LRP1B: variants seen among roughly 807,000 people sequenced by gnomAD.
The protein encoded by LRP1B is low-density lipoprotein receptor-related protein 1B.
A neutral mutation model predicts 556.6 loss-of-function variants in LRP1B; 217 were observed. That is an observed-to-expected ratio of 0.39 (90% confidence interval 0.35 to 0.44). The LOEUF (loss-of-function observed/expected upper bound fraction) is 0.44, where lower values mean the gene tolerates loss of function less well. LRP1B is among the 20% of genes least tolerant of loss of function. The pLI is 1.00. For synonymous variants in LRP1B, 2,047 were observed against 1,865.8 expected (o/e 1.10, Z -2.50); for missense variants, 5,053 against 5,620.8 (o/e 0.90, Z 3.23).
chr2:141,500,402 T>G (rs4583399), intron 2 of LRP1B, among the ~76,000 whole-genome samples: 63,732 of 151,968 alleles, frequency 0.42, 14,250 homozygotes, highest in East Asian at 0.63. Flanking sequence ...CCTGTTGATC[T>G]GTGTTTTGTC....
intron 3 of LRP1B, among the ~76,000 whole-genome samples, chr2:141,429,359 T>C (rs1022546187): frequency 2.0e-5 from 3 of 152,246 alleles, no homozygotes; most frequent in Admixed American, 6.5e-5. Flanking sequence ...TTTTAATGTG[T>C]AACTAAATAT....
intron 41 of LRP1B, among the ~76,000 whole-genome samples, chr2:140,640,457 G>C (rs1212080253): frequency 9.4e-6 from 1 of 106,470 alleles, no homozygotes; most frequent in Non-Finnish European, 1.9e-5. Context: ...GTGCAGTGGC[G>C]CGATCTCGGC....
chr2:141,913,692 C>T (rs1699962565), intron 1 of LRP1B, among the ~76,000 whole-genome samples: 1 of 152,068 alleles, frequency 6.6e-6, no homozygotes, highest in Non-Finnish European at 1.5e-5. Flanking sequence ...TGAGAATGAA[C>T]TACTAATGAT....
intron 83 of LRP1B, among the ~76,000 whole-genome samples, chr2:140,308,156 G>A (rs1279998047): frequency 6.6e-6 from 1 of 151,746 alleles, no homozygotes; most frequent in Non-Finnish European, 1.5e-5. Flanking sequence ...ATTTGATGTT[G>A]ATATTTTTCA....
chr2:141,764,282 G>A (rs1313739229), intron 2 of LRP1B, among the ~76,000 whole-genome samples: 2 of 151,988 alleles, frequency 1.3e-5, no homozygotes, highest in East Asian at 1.9e-4. Flanking sequence ...CCGGGTTCAC[G>A]CCATTCTCCT....
chr2:141,384,351 T>C (rs1002881513), intron 3 of LRP1B, among the ~76,000 whole-genome samples: 27 of 152,258 alleles, frequency 1.8e-4, no homozygotes, highest in African/African-American at 5.8e-4. Context: ...ATTTAAAATC[T>C]AGTATTATTG....
At chr2:140,853,354 C>T (rs1210615224) in intron 27 of LRP1B, among the ~76,000 whole-genome samples, 2 of 152,098 alleles carry the variant, frequency 1.3e-5, no homozygotes, top group South Asian at 2.1e-4. Context: ...GAGATTTTAA[C>T]CATTTCTTCA....
rs934823993 is a variant in LRP1B, at chr2:140,794,761, G to A, written c.5360-18523C>T. 3.9e-5 allele frequency among the ~76,000 whole-genome samples: 6 copies of A among 151,968 alleles called. No homozygotes were observed. In the South Asian group the frequency reaches 1.0e-3, roughly 26 times the overall value. ...CCCAAGTAGCTGGTATTACAGGCAT[G>A]AGCCACTACGCCCAGCTAATTTTGT... On this transcript the variant is annotated intron_variant, in intron 32 of 90. Transcript: ENST00000389484.
chr2:140,451,356 C>G (rs1329299365), intron 62 of LRP1B, among the ~76,000 whole-genome samples: 2 of 152,132 alleles, frequency 1.3e-5, no homozygotes, highest in Non-Finnish European at 2.9e-5. Context: ...AAAAATTTGG[C>G]AAACACTAAA....
At chr2:141,177,655 G>A (rs1518803) in intron 7 of LRP1B, among the ~76,000 whole-genome samples, 6,544 of 152,166 alleles carry the variant, frequency 0.043, 470 homozygotes, top group African/African-American at 0.15. Context: ...GGGAAGAATT[G>A]GCTGGTTAAA....
chr2:141,243,726 T>C (rs549449096), intron 5 of LRP1B, among the ~76,000 whole-genome samples: 1 of 152,298 alleles, frequency 6.6e-6, no homozygotes, highest in East Asian at 1.9e-4. Flanking sequence ...AGATTACCAT[T>C]GAAGTTCCTC....
intron 1 of LRP1B, among the ~76,000 whole-genome samples, chr2:142,045,885 T>C (rs559837081): frequency 6.6e-6 from 1 of 152,036 alleles, no homozygotes; most frequent in Non-Finnish European, 1.5e-5. Flanking sequence ...AAATTAAAAG[T>C]ATGGAACACA....
At chr2:140,356,157 G>GTTAGC (rs1424624802) in intron 75 of LRP1B, among the ~76,000 whole-genome samples, 185 bp downstream of exon 75, 1 of 129,224 alleles carries the variant, frequency 7.7e-6, no homozygotes. Context: ...CTCTGTCGTG[G>GTTAGC]TTAGCTTAGC....
At position 140,353,071 on chromosome 2, in the gene LRP1B, G is replaced by T. The variant is rs539496122; in HGVS notation, c.11532C>A (p.Asp3844Glu). Residue 3844 changes from aspartate to glutamate, a missense_variant and splice_region_variant, in exon 76 of 91, where the codon GAC becomes GAA. Around this residue, in one of 5 missense-constraint regions of LRP1B, gnomAD observed 599 missense variants for 648.4 expected, o/e 0.92. Transcript: ENST00000389484. Reference protein sequence around the residue: ...QRNMKNRQCEDLNECLVFGTC... With the variant: ...QRNMKNRQCEELNECLVFGTC... Reference sequence around the variant, plus strand: ...TGCCAAACACCAAACATTCATTAAGGTCTAGAAAAGAAGAGCTCAAAATAG... The same window carrying T: ...TGCCAAACACCAAACATTCATTAAGTTCTAGAAAAGAAGAGCTCAAAATAG... 2 of 1,612,432 alleles carry T rather than the reference G, an allele frequency of 1.2e-6. No individual in the cohort carries two copies. Among genetic ancestry groups the T allele is most frequent in the South Asian group, 2.2e-5 (2 of 90,960 alleles).
intron 7 of LRP1B, among the ~76,000 whole-genome samples, chr2:141,170,044 G>A (rs979356174): frequency 2.6e-5 from 4 of 151,898 alleles, no homozygotes; most frequent in Admixed American, 2.6e-4. Context: ...AATCTCCTAT[G>A]TTCTTATAAA....
chr2:141,036,516 T>C (rs138375009), intron 11 of LRP1B, among the ~76,000 whole-genome samples: 232 of 152,082 alleles, frequency 1.5e-3, no homozygotes, highest in African/African-American at 5.3e-3. Flanking sequence ...AACGGTCCTG[T>C]GAAAGAGGTA....
At chr2:141,984,512 G>GA (rs1224590997) in intron 1 of LRP1B, among the ~76,000 whole-genome samples, 3 of 151,838 alleles carry the variant, frequency 2.0e-5, no homozygotes, top group Non-Finnish European at 4.4e-5. Flanking sequence ...TATGATTGAG[G>GA]AAAAAAGCAT....
intron 1 of LRP1B, among the ~76,000 whole-genome samples, chr2:142,085,227 T>C (rs986010358): frequency 5.3e-5 from 8 of 152,174 alleles, no homozygotes; most frequent in Non-Finnish European, 1.0e-4. Flanking sequence ...TCCACTTAAG[T>C]CAAAGTTTAA....
chr2:141,633,327 A>G (rs1422015532), intron 2 of LRP1B, among the ~76,000 whole-genome samples: 2 of 152,140 alleles, frequency 1.3e-5, no homozygotes, highest in Non-Finnish European at 2.9e-5. Flanking sequence ...TTCTGGTTAT[A>G]AGGAAAGAAC....
Sources: gnomAD v4.1 joint callset for allele counts (sites outside exome capture counted in the v4.1 genomes callset) on GRCh38, gnomAD v4.1.1 for gene constraint, gnomAD v4.1.1 regional missense constraint, MANE v1.5 for transcripts, NCBI Gene and HGNC (gene_info 2026-07-23, HGNC 2026-07-21) for gene names.